Variants in SV2B observed in about 807,000 individuals in gnomAD.
SV2B encodes the protein solute carrier family 22 member B2.
SV2B carries 41 observed loss-of-function variants against 73.9 expected under a neutral mutation model. The observed-to-expected ratio is 0.56, with a 90% CI of 0.43 to 0.72. SV2B has a LOEUF of 0.72. SV2B is among the 30% of genes least tolerant of loss of function. The pLI is 0.00. For synonymous variants in SV2B, 314 were observed against 314.2 expected, an observed-to-expected ratio of 1.00 and a Z score of 0.01; for missense variants, 764 against 857.8, an observed-to-expected ratio of 0.89 and a Z score of 1.37.
chr15:91,265,230 G>T lies in SV2B; in HGVS notation c.1009-1352G>T, dbSNP rs936682643. 1.3e-5 allele frequency among the ~76,000 whole-genome samples: 2 copies of T among 152,188 alleles called. No homozygotes were observed. The highest frequency in any genetic ancestry group is 2.4e-5 in the African/African-American group (1 of 41,434). ...CTCTTAGTTGATGCCCATGCCGTGA[G>T]CTCTAGGTTTTACCAGCCCTGTTGG... On this transcript the variant is annotated intron_variant, in intron 6 of 12. Coordinates refer to ENST00000394232, the MANE Select transcript of SV2B (RefSeq NM_001323032.3). This position sits in a 1 kb window ranked among gnomAD's most constrained non-coding sequence, Gnocchi z 4.2.
At chr15:91,199,306 G>A (rs77866034) in intron 1 of SV2B, among the ~76,000 whole-genome samples, 1,874 of 152,292 alleles carry the variant, frequency 0.012, 41 homozygotes, top group African/African-American at 0.042. Context: ...GGGAGTGACC[G>A]GCAGTGAGGT....
At chr15:91,157,157 T>C (rs1295769251) in intron 1 of SV2B, among the ~76,000 whole-genome samples, 1 of 152,164 alleles carries the variant, frequency 6.6e-6, no homozygotes, top group Non-Finnish European at 1.5e-5. Flanking sequence ...GATTTTTACC[T>C]TTTTCCCATT....
chr15:91,247,305 G>A (rs745846431), intron 2 of SV2B, among the ~76,000 whole-genome samples: 38 of 152,144 alleles, frequency 2.5e-4, no homozygotes, highest in Non-Finnish European at 4.1e-4. Flanking sequence ...TAAAACTAAG[G>A]GGTTGGATTC....
intron 1 of SV2B, among the ~76,000 whole-genome samples, chr15:91,215,322 C>T (rs1047793686): frequency 4.1e-4 from 63 of 152,144 alleles, no homozygotes; most frequent in Admixed American, 2.6e-3. Context: ...AAAAATTACC[C>T]TGGGAGCTTG....
At chr15:91,175,743 G>A (rs2044281931) in intron 1 of SV2B, among the ~76,000 whole-genome samples, 1 of 150,328 alleles carries the variant, frequency 6.7e-6, no homozygotes, top group Admixed American at 6.6e-5. Context: ...ATCTATTATA[G>A]ATCTAATCTA....
intron 1 of SV2B, among the ~76,000 whole-genome samples, chr15:91,120,428 A>G (rs962991984): frequency 2.6e-5 from 4 of 152,146 alleles, no homozygotes; most frequent in Non-Finnish European, 5.9e-5. Context: ...CTCCCCCAAT[A>G]TTTGGGAATT....
chr15:91,171,257 A>C (rs1404804979), intron 1 of SV2B, among the ~76,000 whole-genome samples: 1 of 152,198 alleles, frequency 6.6e-6, no homozygotes, highest in African/African-American at 2.4e-5. Flanking sequence ...TCTGTACCTC[A>C]GCTTTATCAT....
chr15:91,187,634 C>A (rs2141338949), intron 1 of SV2B, among the ~76,000 whole-genome samples: 1 of 151,298 alleles, frequency 6.6e-6, no homozygotes, highest in Non-Finnish European at 1.5e-5. Context: ...TAGTGACAAC[C>A]TGCAATTCAT....
At chr15:91,174,767 G>A (rs368693351) in intron 1 of SV2B, among the ~76,000 whole-genome samples, 3 of 152,274 alleles carry the variant, frequency 2.0e-5, no homozygotes, top group East Asian at 1.9e-4. Flanking sequence ...ATTAAAAGAC[G>A]GTTCAGGCCA....
In SV2B at chr15:91,125,781, C is replaced by CAAAAAAAAAAAAAAAAAAAAAAAAAA. The variant is rs200016125; in HGVS notation, c.-392+25437_-392+25438insAAAAAAAAAAAAAAAAAAAAAAAAAA. 4.2e-4 allele frequency among the ~76,000 whole-genome samples: 24 copies of CAAAAAAAAAAAAAAAAAAAAAAAAAA among 57,052 alleles called. 1 individual carries two copies. Among genetic ancestry groups the CAAAAAAAAAAAAAAAAAAAAAAAAAA allele is most frequent in the Non-Finnish European group, 4.5e-4 (13 of 28,768 alleles). The allele number at this position is 57,052 out of a possible 152,430, so 37.4% of individuals were successfully genotyped here. On this transcript the variant is annotated intron_variant, in intron 1 of 12. Coordinates refer to ENST00000394232, the MANE Select transcript of SV2B (RefSeq NM_001323032.3). ...CAAAGTGAGACCCTGTCTCAAGGGG[C>CAAAAAAAAAAAAAAAAAAAAAAAAAA]AAAAAAAAAAAAAAAAAAATTCAGT...
intron 9 of SV2B, among the ~76,000 whole-genome samples, chr15:91,270,430 C>G (rs1368757084): frequency 6.6e-6 from 1 of 152,184 alleles, no homozygotes; most frequent in Non-Finnish European, 1.5e-5. Context: ...GTATCTTGCT[C>G]AAGATCACAC....
At chr15:91,166,794 AT>A (rs2043927307) in intron 1 of SV2B, among the ~76,000 whole-genome samples, 1 of 150,644 alleles carries the variant, frequency 6.6e-6, no homozygotes, top group Non-Finnish European at 1.5e-5. Flanking sequence ...GTTTTTTTGT[AT>A]AGTTTTTCTT....
chr15:91,172,249 T>A (rs2044147464), intron 1 of SV2B, among the ~76,000 whole-genome samples: 1 of 152,220 alleles, frequency 6.6e-6, no homozygotes, highest in South Asian at 2.1e-4. Flanking sequence ...TTTCCCTGCC[T>A]GTGCTATCTC....
In SV2B at chr15:91,122,532, G is replaced by A. The variant is rs2042368781; in HGVS notation, c.-392+22169G>A. 6.6e-6 allele frequency among the ~76,000 whole-genome samples: 1 copy of A among 152,190 alleles called. No individual in the cohort carries two copies. The highest frequency in any genetic ancestry group is 2.1e-4 in the South Asian group (1 of 4,828). On this transcript the variant is annotated intron_variant, in intron 1 of 12. Coordinates refer to ENST00000394232, the MANE Select transcript of SV2B (RefSeq NM_001323032.3). This position sits in a 1 kb window ranked among gnomAD's most constrained non-coding sequence, Gnocchi z 4.3. ...TCTCTGCCAACATGCATGCTGCAGA[G>A]CAGACTCCCCCATCCTGGTTTCCTC...
At chr15:91,138,169 A>G (rs893303920) in intron 1 of SV2B, among the ~76,000 whole-genome samples, 3 of 152,106 alleles carry the variant, frequency 2.0e-5, no homozygotes, top group African/African-American at 7.2e-5. Context: ...ACAAAAACCA[A>G]CCAAAAAAAC....
At position 91,242,209 on chromosome 15, in the gene SV2B, C is replaced by T. The variant is rs139231436; in HGVS notation, c.452-9610C>T. Among the ~76,000 whole-genome samples, 8 of 152,338 alleles carry T rather than the reference C, an allele frequency of 5.3e-5. No homozygotes were observed. In the East Asian group the frequency reaches 1.5e-3, roughly 29 times the overall value. ...CCCATTGGCTGCTCCTTCTTGTTCT[C>T]CATCACTGGTCTCTCTTCATATTCC... On this transcript the variant is annotated intron_variant, in intron 2 of 12. Transcript: ENST00000394232. The surrounding 1 kb of genome is among the most constrained non-coding windows in gnomAD (Gnocchi z 4.9).
intron 1 of SV2B, among the ~76,000 whole-genome samples, chr15:91,161,367 G>A (rs719986): frequency 0.4 from 61,397 of 151,892 alleles, 12,924 homozygotes; most frequent in East Asian, 0.7. Flanking sequence ...AAAATATTAG[G>A]GTGGCATATT....
intron 1 of SV2B, among the ~76,000 whole-genome samples, chr15:91,112,197 C>T (rs1236834921): frequency 2.0e-5 from 3 of 152,008 alleles, no homozygotes; most frequent in Non-Finnish European, 4.4e-5. Flanking sequence ...AGTAGCAGGA[C>T]GCCCACTAGA....
At chr15:91,279,939 A>G (rs2048631623) in intron 9 of SV2B, among the ~76,000 whole-genome samples, 1 of 152,240 alleles carries the variant, frequency 6.6e-6, no homozygotes, top group South Asian at 2.1e-4. Context: ...AAAAGTCTGT[A>G]GCAAATTTGG....
Sources: allele counts gnomAD v4.1 joint callset (sites outside exome capture counted in the v4.1 genomes callset), GRCh38; gene constraint gnomAD v4.1.1; non-coding constraint Gnocchi (gnomAD v3.1); transcripts MANE v1.5; gene names NCBI Gene and HGNC (gene_info 2026-07-23, HGNC 2026-07-21).